SYNE2: variants seen among roughly 807,000 people sequenced by gnomAD.
The protein encoded by SYNE2 is nesprin-2.
A neutral mutation model predicts 856.3 loss-of-function variants in SYNE2; 431 were observed. That is an observed-to-expected ratio of 0.50 (90% CI 0.47 to 0.55). The LOEUF (loss-of-function observed/expected upper bound fraction) is 0.55. SYNE2 is among the 20% of genes least tolerant of loss of function. The pLI is 0.00. For missense variants in SYNE2, 8,129 were observed against 8,023.2 expected (o/e 1.01, Z -0.50); for synonymous variants, 2,923 against 2,872.3 (o/e 1.02, Z -0.56).
intron 95 of SYNE2, 151 bp from the exon 96 acceptor site, chr14:64,177,207 T>C: frequency 1.1e-6 from 1 of 930,662 alleles, no homozygotes; most frequent in East Asian, 2.6e-5. Context: ...TTGGAGACCA[T>C]AGTCTGCTTA....
chr14:64,029,825 TTTAA>T (rs1190296619), intron 43 of SYNE2, 66 bp from the exon 44 acceptor site: 2 of 1,502,802 alleles, frequency 1.3e-6, no homozygotes, highest in African/African-American at 1.4e-5. Context: ...TTATTAGTCA[TTTAA>T]TTATTTTGTG....
Position 64,182,242 on chromosome 14 carries a change from G to A in SYNE2, c.17557-4182G>A, listed in dbSNP as rs80078963. Among the ~76,000 whole-genome samples, 44 of 152,192 alleles carry A rather than the reference G, an allele frequency of 2.9e-4. 1 individual carries two copies. Among genetic ancestry groups the A allele is most frequent in the Non-Finnish European group, 5.7e-4 (39 of 68,012 alleles). ...CTTGAAATTTTACATCCCATGTTAC[G>A]TAAAAAATTGGAAATTTTCAGGTAT... On this transcript the variant is annotated intron_variant, in intron 96 of 115. Coordinates refer to ENST00000555002, the MANE Select transcript of SYNE2 (RefSeq NM_182914.3).
chr14:64,112,065 T>C (rs1198599852), intron 65 of SYNE2, among the ~76,000 whole-genome samples: 6 of 152,214 alleles, frequency 3.9e-5, no homozygotes, highest in African/African-American at 9.6e-5. Flanking sequence ...CCAGACCAGC[T>C]TTCATAATAC....
chr14:64,144,052 A>T, intron 83 of SYNE2, 104 bp downstream of exon 83: 1 of 1,344,402 alleles, frequency 7.4e-7, no homozygotes, highest in Non-Finnish European at 1.1e-6. Context: ...TATTAAGCCT[A>T]ATAATCATCT....
At chr14:64,046,793 G>T (rs1489146527) in intron 45 of SYNE2, among the ~76,000 whole-genome samples, 2 of 152,236 alleles carry the variant, frequency 1.3e-5, no homozygotes, top group African/African-American at 4.8e-5. Context: ...AATCTGGCAA[G>T]CTGCTCTGGG....
chr14:64,024,529 G>A (rs919253272), intron 39 of SYNE2, 70 bp downstream of exon 39: 62 of 1,458,852 alleles, frequency 4.2e-5, no homozygotes, highest in South Asian at 3.4e-4. Context: ...CTGCCTCAGC[G>A]CAGAGAGCAC....
In SYNE2 at chr14:64,089,685, A is replaced by G. The variant is rs1455602537; in HGVS notation, c.11782A>G (p.Lys3928Glu). The change falls in exon 59 of 116, where the codon AAA becomes GAA. Residue 3928 changes from lysine to glutamate, a missense_variant. This residue lies in a region of SYNE2 where 5,410 missense variants were observed against 5,284.8 expected (regional missense o/e 1.02). Coordinates refer to ENST00000555002, the MANE Select transcript of SYNE2 (RefSeq NM_182914.3). ...IFDFSPEEHL[K>E]HGEVILENIR... ...TGATTTTTCACCTGAAGAACATCTC[A>G]AACATGGGGAGGTAAGCATAGATTA... The G allele has an allele frequency of 6.3e-7, 1 of 1,578,556 alleles. No individual in the cohort carries two copies. Among genetic ancestry groups the G allele is most frequent in the South Asian group, 1.1e-5 (1 of 90,096 alleles).
chr14:64,162,181 A>T lies in SYNE2; in HGVS notation c.16204A>T (p.Lys5402Ter), dbSNP rs1466603194. 1.2e-6 allele frequency: 2 copies of T among 1,614,144 alleles called. No individual in the cohort carries two copies. The highest frequency in any genetic ancestry group is 1.7e-6 in the Non-Finnish European group (2 of 1,180,050). ...NAHGEAAARLKQQEAKFQQLA... is the reference protein window; with the variant it reads ...NAHGEAAARL ...TCATGGTGAAGCTGCCGCAAGGCTG[A>T]AGCAGCAGGAAGCAAAGTTTCAACA... Residue 5402 changes from lysine to a stop codon, truncating the protein, a stop_gained, in exon 88 of 116, where the codon AAG (lysine) becomes TAG (stop). Transcript: ENST00000555002. LOFTEE classifies it high-confidence loss of function.
At chr14:63,948,158 CACACACAT>C (rs71444630) in intron 6 of SYNE2, among the ~76,000 whole-genome samples, 41 of 96,772 alleles carry the variant, frequency 4.2e-4, no homozygotes, top group Non-Finnish European at 5.3e-4. Context: ...CACACACAGA[CACACACAT>C]ACACACACAC....
intron 66 of SYNE2, 72 bp from the exon 67 acceptor site, chr14:64,119,355 C>G: frequency 1.3e-6 from 2 of 1,584,948 alleles, no homozygotes; most frequent in Non-Finnish European, 1.7e-6. Context: ...AAGAGTAAGT[C>G]TTAACTTGTT....
intron 78 of SYNE2, among the ~76,000 whole-genome samples, chr14:64,137,193 TTGG>T (rs2098100244): frequency 6.6e-6 from 1 of 151,982 alleles, no homozygotes; most frequent in Admixed American, 6.6e-5. Context: ...GGTTGGTTGG[TTGG>T]TTTGTTTTGT....
intron 1 of SYNE2, among the ~76,000 whole-genome samples, chr14:63,819,046 A>C (rs1160652381): frequency 6.6e-6 from 1 of 151,826 alleles, no homozygotes; most frequent in Non-Finnish European, 1.5e-5. Context: ...CAGTGCAATA[A>C]GGCAAGAAAA....
chr14:64,157,630 C>G (rs1252065383), intron 85 of SYNE2, among the ~76,000 whole-genome samples: 1 of 152,120 alleles, frequency 6.6e-6, no homozygotes, highest in East Asian at 1.9e-4. Flanking sequence ...TATGGCAACT[C>G]TATTTAATTT....
At chr14:63,872,489 C>T (rs1897086551) in intron 1 of SYNE2, among the ~76,000 whole-genome samples, 1 of 151,522 alleles carries the variant, frequency 6.6e-6, no homozygotes, top group East Asian at 1.9e-4. Flanking sequence ...GGCATGGTGG[C>T]TCACACCTAT....
At chr14:64,037,546 C>T (rs182511507) in intron 45 of SYNE2, among the ~76,000 whole-genome samples, 2,432 of 146,188 alleles carry the variant, frequency 0.017, 27 homozygotes, top group Non-Finnish European at 0.024. Flanking sequence ...TACACAGACA[C>T]GGCAACCATC....
At chr14:63,837,025 T>C (rs969703250) in intron 1 of SYNE2, among the ~76,000 whole-genome samples, 1 of 152,212 alleles carries the variant, frequency 6.6e-6, no homozygotes, top group Admixed American at 6.6e-5. Context: ...GAGCTTTTAA[T>C]TTGTGTTACT....
intron 22 of SYNE2, 33 bp from the exon 23 acceptor site, chr14:63,995,011 A>G (rs779345053): frequency 1.4e-6 from 2 of 1,379,986 alleles, no homozygotes; most frequent in Non-Finnish European, 2.0e-6. Context: ...TTTTGTTCTC[A>G]TGGTTAATAT....
chr14:63,980,127 C>A (rs1023701814), intron 14 of SYNE2, among the ~76,000 whole-genome samples: 4 of 152,044 alleles, frequency 2.6e-5, no homozygotes, highest in African/African-American at 4.8e-5. Context: ...AATATTCATA[C>A]TATTGGCACA....
chr14:64,027,883 A>ATTTTG, intron 43 of SYNE2, 90 bp downstream of exon 43: 3 of 1,076,728 alleles, frequency 2.8e-6, no homozygotes, highest in Non-Finnish European at 4.1e-6. Context: ...GTTGTTGTTC[A>ATTTTG]TTTTGTTTTG....
Sources: gnomAD v4.1 joint callset for allele counts (sites outside exome capture counted in the v4.1 genomes callset) on GRCh38, gnomAD v4.1.1 for gene constraint, gnomAD v4.1.1 regional missense constraint, MANE v1.5 for transcripts, NCBI Gene and HGNC (gene_info 2026-07-23, HGNC 2026-07-21) for gene names.